The following CACNG3 variants were observed in gnomAD, a reference collection of about 807,000 sequenced individuals.
The protein encoded by CACNG3 is calcium voltage-gated channel auxiliary subunit gamma 3, also known as voltage-dependent calcium channel gamma-3 subunit.
A neutral mutation model predicts 28.5 loss-of-function variants in CACNG3; 3 were observed. The ratio of observed to expected loss-of-function variants is 0.11; its 90% CI spans 0.05 to 0.27. The LOEUF is 0.27. Among genes scored for constraint, CACNG3 ranks in the 10% least tolerant of loss-of-function variants. CACNG3 has a pLI of 1.00. For missense variants in CACNG3, 236 were observed against 414.4 expected, an observed-to-expected ratio of 0.57 and a Z score of 3.74; for synonymous variants, 174 against 162.2, an observed-to-expected ratio of 1.07 and a Z score of -0.55.
Position 24,256,844 on chromosome 16 carries a change from G to A in CACNG3, c.90G>A (p.Thr30=), listed in dbSNP as rs767505349. 2.1e-5 allele frequency: 34 copies of A among 1,612,486 alleles called. No homozygotes were observed. The highest frequency in any genetic ancestry group is 1.3e-4 in the Admixed American group (8 of 59,998). The part of the protein sequence containing the change: ...AFSLMTIAVG[T]DYWLYSRGVC... ...GTTTAATGACCATTGCAGTGGGCACGGACTACTGGTTATATTCCAGAGGTG... is the reference window on the plus strand; with the variant it reads ...GTTTAATGACCATTGCAGTGGGCACAGACTACTGGTTATATTCCAGAGGTG... Residue 30 remains threonine (T), a synonymous_variant, in exon 1 of 4, where the codon ACG becomes ACA. Transcript: ENST00000005284. The surrounding 1 kb of genome is among the most constrained non-coding windows in gnomAD (Gnocchi z 4.6).
intron 1 of CACNG3, among the ~76,000 whole-genome samples, chr16:24,342,042 C>A (rs1050569306): frequency 6.6e-6 from 1 of 152,070 alleles, no homozygotes; most frequent in East Asian, 1.9e-4. Flanking sequence ...CTGCAGCAGG[C>A]GGATCACCTG....
intron 1 of CACNG3, among the ~76,000 whole-genome samples, chr16:24,261,762 G>A (rs1342812219): frequency 1.3e-5 from 2 of 152,216 alleles, no homozygotes; most frequent in South Asian, 4.1e-4. Flanking sequence ...CTACAGATGG[G>A]CCAGGATGAC....
At chr16:24,281,993 C>G (rs553449312) in intron 1 of CACNG3, among the ~76,000 whole-genome samples, 5 of 152,266 alleles carry the variant, frequency 3.3e-5, no homozygotes, top group South Asian at 4.1e-4. Flanking sequence ...ATTCAGGCAG[C>G]CTTTCACCAG....
At chr16:24,313,460 G>A (rs1296382941) in intron 1 of CACNG3, among the ~76,000 whole-genome samples, 1 of 152,056 alleles carries the variant, frequency 6.6e-6, no homozygotes, top group African/African-American at 2.4e-5. Flanking sequence ...GCACTTTTAT[G>A]TTTTTGATTT....
chr16:24,345,270 T>A (rs1899846298), intron 1 of CACNG3, among the ~76,000 whole-genome samples: 1 of 152,190 alleles, frequency 6.6e-6, no homozygotes, highest in East Asian at 1.9e-4. Context: ...CCACTCCAGC[T>A]ACACAGACAG....
chr16:24,291,543 A>G (rs1441102599), intron 1 of CACNG3, among the ~76,000 whole-genome samples: 1 of 152,170 alleles, frequency 6.6e-6, no homozygotes. Flanking sequence ...CTGGGGCTGA[A>G]TGAAAGGCCA....
chr16:24,318,903 CTGCTATG>C (rs1255460797), intron 1 of CACNG3, among the ~76,000 whole-genome samples: 1 of 152,194 alleles, frequency 6.6e-6, no homozygotes, highest in African/African-American at 2.4e-5. Flanking sequence ...TCTACCAAGG[CTGCTATG>C]TGGCATCCGG....
chr16:24,261,786 C>T (rs1362962075), intron 1 of CACNG3, among the ~76,000 whole-genome samples: 1 of 152,144 alleles, frequency 6.6e-6, no homozygotes, highest in Non-Finnish European at 1.5e-5. Context: ...AAACATCTCG[C>T]TGAAAAACTG....
At chr16:24,325,529 G>A (rs1274113962) in intron 1 of CACNG3, among the ~76,000 whole-genome samples, 1 of 152,238 alleles carries the variant, frequency 6.6e-6, no homozygotes, top group Admixed American at 6.5e-5. Flanking sequence ...GCATTGCTGA[G>A]CGCAAGCCCC....
Position 24,348,313 on chromosome 16 carries a change from G to A in CACNG3, c.295+1496G>A, listed in dbSNP as rs1051679843. 2.0e-5 allele frequency among the ~76,000 whole-genome samples: 3 copies of A among 152,058 alleles called. No homozygotes were observed. In the South Asian group the frequency reaches 6.2e-4, roughly 32 times the overall value. On this transcript the variant is annotated intron_variant, in intron 2 of 3. Transcript: ENST00000005284. Reference sequence around the variant, plus strand: ...AGCTACTTGGGAGGCTGAGGTGGGAGGATTGCTTGAGCCCAGGAAGCTGAG... The same window carrying A: ...AGCTACTTGGGAGGCTGAGGTGGGAAGATTGCTTGAGCCCAGGAAGCTGAG...
rs75718448 is a variant in CACNG3 at position 24,286,597 on chromosome 16, C to T, written c.211+29632C>T. Among the ~76,000 whole-genome samples, 1,140 of 152,268 alleles carry T rather than the reference C, an allele frequency of 7.5e-3. 17 individuals carry two copies. Among genetic ancestry groups the T allele is most frequent in the African/African-American group, 0.027 (1,109 of 41,542 alleles). On this transcript the variant is annotated intron_variant, in intron 1 of 3. Transcript: ENST00000005284. ...CCCCCAGAGGACACTGCTCTGAGAA[C>T]GCTAAAAACAGCAGCAAAGCCATTT...
At chr16:24,360,093 G>A (rs987568527) in intron 3 of CACNG3, among the ~76,000 whole-genome samples, 1 of 152,142 alleles carries the variant, frequency 6.6e-6, no homozygotes, top group African/African-American at 2.4e-5. Context: ...CTCACCAACT[G>A]TTGTCGGAAA....
chr16:24,351,629 AG>A, intron 2 of CACNG3, among the ~76,000 whole-genome samples: 1 of 95,948 alleles, frequency 1.0e-5, no homozygotes, highest in South Asian at 4.4e-4. Context: ...AAGGAGGGGA[AG>A]GGGAAGGGGA....
At chr16:24,290,314 G>A (rs1176433423) in intron 1 of CACNG3, among the ~76,000 whole-genome samples, 1 of 152,204 alleles carries the variant, frequency 6.6e-6, no homozygotes, top group African/African-American at 2.4e-5. Flanking sequence ...GCAGAGCCAA[G>A]CATGATGCTG....
intron 1 of CACNG3, among the ~76,000 whole-genome samples, chr16:24,302,977 A>T (rs928391714): frequency 6.6e-6 from 1 of 151,070 alleles, no homozygotes; most frequent in Non-Finnish European, 1.5e-5. Flanking sequence ...TTTTTTAAAT[A>T]GAGATAAGGT....
intron 1 of CACNG3, among the ~76,000 whole-genome samples, chr16:24,295,159 G>T (rs1244558273): frequency 1.3e-5 from 2 of 152,188 alleles, no homozygotes; most frequent in Non-Finnish European, 2.9e-5. Flanking sequence ...CTCTTCTTAA[G>T]TCTCCAGGTC....
chr16:24,257,103 T>C, intron 1 of CACNG3, 138 bp downstream of exon 1: 1 of 646,008 alleles, frequency 1.5e-6, no homozygotes, highest in Non-Finnish European at 2.8e-6. Context: ...GCCCAGACTC[T>C]GTTAACAGCA....
intron 3 of CACNG3, among the ~76,000 whole-genome samples, chr16:24,355,319 A>T (rs1298818691): frequency 6.6e-6 from 1 of 152,174 alleles, no homozygotes; most frequent in South Asian, 2.1e-4. Flanking sequence ...GGTACGTGTG[A>T]ACTGATTGAC....
Position 24,361,890 on chromosome 16 carries a change from C to A in CACNG3, c.*27C>A. 6.3e-7 allele frequency: 1 copy of A among 1,576,930 alleles called. No homozygotes were observed. On this transcript the variant is annotated 3_prime_UTR_variant, in exon 4 of 4. Coordinates refer to ENST00000005284, the MANE Select transcript of CACNG3 (RefSeq NM_006539.4). This position sits in a 1 kb window ranked among gnomAD's most constrained non-coding sequence, Gnocchi z 6.8. The stretch of plus-strand genomic sequence containing the variant: ...CTGACCTCTGACCTCTGCCCCACGC[C>A]CAGCACAGCCTTGGGGGAAGTGTAC...
Sources: allele counts gnomAD v4.1 joint callset (sites outside exome capture counted in the v4.1 genomes callset), GRCh38; gene constraint gnomAD v4.1.1; non-coding constraint Gnocchi (gnomAD v3.1); transcripts MANE v1.5; gene names NCBI Gene and HGNC (gene_info 2026-07-23, HGNC 2026-07-21).